Variants in OPA1 observed in about 807,000 individuals in gnomAD.
The protein encoded by OPA1 is OPA1 mitochondrial dynamin like GTPase.
OPA1 carries 59 observed loss-of-function variants against 152.9 expected under a neutral mutation model. That is an observed-to-expected ratio of 0.39 (90% CI 0.31 to 0.48). The LOEUF (loss-of-function observed/expected upper bound fraction) is 0.48, where lower values mean the gene tolerates loss of function less well. Among genes scored for constraint, OPA1 ranks in the 20% least tolerant of loss-of-function variants. OPA1 has a pLI of 0.96. For synonymous variants in OPA1, 400 were observed against 389.9 expected (o/e 1.03, Z -0.31); for missense variants, 1,008 against 1,216.8 (o/e 0.83, Z 2.55).
chr3:193,636,170 A>AT (rs1217142024), intron 9 of OPA1, among the ~76,000 whole-genome samples: 9 of 152,010 alleles, frequency 5.9e-5, no homozygotes, highest in Admixed American at 5.9e-4. Context: ...TGGCATGTAC[A>AT]TTCTGTAGTC....
intron 29 of OPA1, among the ~76,000 whole-genome samples, chr3:193,686,160 A>G (rs1720911902): frequency 6.6e-6 from 1 of 152,242 alleles, no homozygotes; most frequent in Non-Finnish European, 1.5e-5. Context: ...TACAACCACC[A>G]GTTAGAGTTC....
At chr3:193,617,943 G>A in intron 5 of OPA1, 106 bp downstream of exon 5, 1 of 775,126 alleles carries the variant, frequency 1.3e-6, no homozygotes, top group Non-Finnish European at 2.3e-6. Flanking sequence ...TGCTTATGCT[G>A]AATTTTAAAA....
intron 1 of OPA1, among the ~76,000 whole-genome samples, chr3:193,609,222 A>G (rs1727786744): frequency 6.6e-6 from 1 of 152,160 alleles, no homozygotes; most frequent in Admixed American, 6.5e-5. Flanking sequence ...TAATATTGTT[A>G]TGTGTGAATT....
In OPA1 at chr3:193,604,861, A is replaced by AC. The variant is rs1491089854; in HGVS notation, c.33-9862_33-9861insC. On this transcript the variant is annotated intron_variant, in intron 1 of 30. Coordinates refer to ENST00000361510, the MANE Select transcript of OPA1 (RefSeq NM_130837.3). ...GGCAACAAGAGTGAAACTCCATCTCAAAAAAAAAAAAAAAGAAAAAAGAAA... is the reference window on the plus strand; with the variant it reads ...GGCAACAAGAGTGAAACTCCATCTCACAAAAAAAAAAAAAAGAAAAAAGAAA... Among the ~76,000 whole-genome samples, 23 of 43,678 alleles carry AC rather than the reference A, an allele frequency of 5.3e-4. No homozygotes were observed. In the South Asian group the frequency reaches 0.01, roughly 20 times the overall value. The allele number at this position is 43,678 out of a possible 152,430, so 28.7% of individuals were successfully genotyped here. A position where few individuals can be genotyped will look rare whatever the true frequency, so the allele number is the denominator to read the frequency against.
intron 6 of OPA1, among the ~76,000 whole-genome samples, chr3:193,624,636 C>T (rs1730736573): frequency 6.6e-6 from 1 of 152,020 alleles, no homozygotes; most frequent in Non-Finnish European, 1.5e-5. Context: ...TATTTAAAGA[C>T]ATGTCTTTTT....
intron 25 of OPA1, 62 bp downstream of exon 25, chr3:193,659,623 T>C: frequency 7.5e-7 from 1 of 1,337,604 alleles, no homozygotes; most frequent in Non-Finnish European, 1.1e-6. Context: ...AATTCAGGCA[T>C]TAAAATATAA....
At chr3:193,679,232 G>A (rs952881199) in intron 29 of OPA1, among the ~76,000 whole-genome samples, 3 of 150,764 alleles carry the variant, frequency 2.0e-5, no homozygotes, top group Non-Finnish European at 4.4e-5. Context: ...CATAGAGCCC[G>A]CTTTTGTTTT....
chr3:193,666,272 A>G (rs1212247584), intron 27 of OPA1, 24 bp from the exon 28 acceptor site: 1 of 1,590,180 alleles, frequency 6.3e-7, no homozygotes, highest in Admixed American at 1.7e-5. Flanking sequence ...TGCATCTGGT[A>G]ATCTTAGTTA....
intron 5 of OPA1, among the ~76,000 whole-genome samples, chr3:193,618,403 AGGAGGC>A (rs1729411494): frequency 1.3e-5 from 2 of 151,974 alleles, no homozygotes; most frequent in Admixed American, 1.3e-4. Context: ...GCTTGAACCC[AGGAGGC>A]GGAGGTTGCA....
chr3:193,624,151 T>C (rs1279639524), intron 6 of OPA1: 1 of 152,376 alleles, frequency 6.6e-6, no homozygotes, highest in Non-Finnish European at 1.5e-5. Context: ...AAAAAAGCAT[T>C]GTGTGCCTTA....
At chr3:193,673,307 T>C (rs1012348801) in intron 29 of OPA1, among the ~76,000 whole-genome samples, 1 of 152,234 alleles carries the variant, frequency 6.6e-6, no homozygotes, top group Non-Finnish European at 1.5e-5. Context: ...TTAGTGATGA[T>C]GATAATGATG....
intron 29 of OPA1, among the ~76,000 whole-genome samples, chr3:193,671,981 GCCC>G (rs1260861008): frequency 6.6e-6 from 1 of 152,124 alleles, no homozygotes; most frequent in Non-Finnish European, 1.5e-5. Context: ...GTTAAAATAT[GCCC>G]ACTGGGACTT....
chr3:193,648,007 C>T, intron 19 of OPA1, 63 bp from the exon 20 acceptor site: 1 of 1,197,350 alleles, frequency 8.4e-7, no homozygotes, highest in Non-Finnish European at 1.2e-6. Flanking sequence ...ATTTTAACCA[C>T]TTTAACCACT....
intron 29 of OPA1, among the ~76,000 whole-genome samples, chr3:193,689,373 T>A (rs1721374743): frequency 6.6e-6 from 1 of 152,212 alleles, no homozygotes; most frequent in South Asian, 2.1e-4. Flanking sequence ...CCTTTGTCAT[T>A]CCTGAGGTTT....
At chr3:193,670,827 G>A (rs1032181790) in intron 29 of OPA1, among the ~76,000 whole-genome samples, 4 of 152,176 alleles carry the variant, frequency 2.6e-5, no homozygotes, top group Admixed American at 2.6e-4. Flanking sequence ...TCTCAGGAGA[G>A]GCTCTTCCAG....
intron 23 of OPA1, among the ~76,000 whole-genome samples, chr3:193,657,872 GTGT>G (rs1357398891): frequency 6.6e-6 from 1 of 152,158 alleles, no homozygotes. Context: ...GTTACTAGAG[GTGT>G]TGTTGAATTA....
At position 193,655,521 on chromosome 3, in the gene OPA1, G is replaced by T. The variant is rs547685967; in HGVS notation, c.2178+494G>T. On this transcript the variant is annotated intron_variant, in intron 22 of 30. Coordinates refer to ENST00000361510, the MANE Select transcript of OPA1 (RefSeq NM_130837.3). ...AAACAAAACAAAAAACTACCTTAAA[G>T]AATCTATTTCTGCTACCATGTATCT... Among the ~76,000 whole-genome samples the T allele has an allele frequency of 8.5e-5, 13 of 152,198 alleles. No homozygotes were observed. In the East Asian group the frequency reaches 2.1e-3, roughly 25 times the overall value.
At chr3:193,659,379 T>G in intron 24 of OPA1, 103 bp from the exon 25 acceptor site, 1 of 996,084 alleles carries the variant, frequency 1.0e-6, no homozygotes, top group Non-Finnish European at 1.5e-6. Flanking sequence ...GCCTTCATAT[T>G]GATATAGCAC....
At position 193,648,629 on chromosome 3, in the gene OPA1, T is replaced by C. The variant is rs1711625672; in HGVS notation, c.1936-166T>C. The C allele has an allele frequency of 1.0e-5, 6 of 578,050 alleles. No individual in the cohort carries two copies. The South Asian group carries it at 1.2e-4, about 11-fold the overall frequency. 35.8% of individuals were successfully genotyped at this position (578,050 alleles called of 1,614,324 possible). On this transcript the variant is annotated intron_variant, in intron 20 of 30. Coordinates refer to ENST00000361510, the MANE Select transcript of OPA1 (RefSeq NM_130837.3). Reference sequence around the variant, plus strand: ...AGTTTCTTTGTCCTTATCTGCATAATGGCATTCCTAAAAAAAAACACTAGA... The same window carrying C: ...AGTTTCTTTGTCCTTATCTGCATAACGGCATTCCTAAAAAAAAACACTAGA...
Sources: allele counts gnomAD v4.1 joint callset (sites outside exome capture counted in the v4.1 genomes callset), GRCh38; gene constraint gnomAD v4.1.1; transcripts MANE v1.5; gene names NCBI Gene and HGNC (gene_info 2026-07-23, HGNC 2026-07-21).